The following FOCAD variants were observed in gnomAD, a reference collection of about 807,000 sequenced individuals.
The protein encoded by FOCAD is focadhesin.
FOCAD carries 198 observed loss-of-function variants against 225.6 expected under a neutral mutation model. The ratio of observed to expected loss-of-function variants is 0.88; its 90% CI spans 0.78 to 0.99. FOCAD has a LOEUF of 0.99. FOCAD is among the 50% of genes least tolerant of loss of function. The pLI is 0.00. For missense variants in FOCAD, 2,713 were observed against 2,123.6 expected (o/e 1.28, Z -5.46); for synonymous variants, 897 against 755.0 (o/e 1.19, Z -3.08).
At chr9:20,697,585 C>T (rs1823479831) in intron 1 of FOCAD, among the ~76,000 whole-genome samples, 1 of 152,260 alleles carries the variant, frequency 6.6e-6, no homozygotes, top group Non-Finnish European at 1.5e-5. Flanking sequence ...TTACTTCCTT[C>T]AGGTGTCTGT....
rs549078369 is a variant in FOCAD, at chr9:20,782,003, T to G, written c.1197+74T>G. 2.4e-5 allele frequency: 31 copies of G among 1,291,180 alleles called. No individual in the cohort carries two copies. In the East Asian group the frequency reaches 6.2e-4, roughly 26 times the overall value. 80.0% of individuals were successfully genotyped at this position (1,291,180 alleles called of 1,614,324 possible). On this transcript the variant is annotated intron_variant, in intron 10 of 43. Coordinates refer to ENST00000338382, the MANE Select transcript of FOCAD (RefSeq NM_001375567.1). ...TTCGGTCTTTACGGATAATCTTGCCTCCTGATGAAGCATCTGTTTGTTATC... is the reference window on the plus strand; with the variant it reads ...TTCGGTCTTTACGGATAATCTTGCCGCCTGATGAAGCATCTGTTTGTTATC...
At chr9:20,809,851 A>G (rs1406247445) in intron 11 of FOCAD, among the ~76,000 whole-genome samples, 1 of 152,126 alleles carries the variant, frequency 6.6e-6, no homozygotes, top group Non-Finnish European at 1.5e-5. Flanking sequence ...GTAACTCATA[A>G]GAGAGTTTTC....
intron 15 of FOCAD, among the ~76,000 whole-genome samples, chr9:20,861,436 A>C (rs1373349247): frequency 6.6e-6 from 1 of 152,178 alleles, no homozygotes; most frequent in Non-Finnish European, 1.5e-5. Context: ...GGTCTACAAT[A>C]CTGCCCTTAG....
intron 4 of FOCAD, among the ~76,000 whole-genome samples, chr9:20,724,619 T>A (rs1461888303): frequency 6.6e-6 from 1 of 152,172 alleles, no homozygotes; most frequent in Non-Finnish European, 1.5e-5. Flanking sequence ...CCAGTGGATA[T>A]AATAATTATT....
At chr9:20,694,996 A>G (rs1283922070) in intron 1 of FOCAD, among the ~76,000 whole-genome samples, 1 of 152,130 alleles carries the variant, frequency 6.6e-6, no homozygotes, top group South Asian at 2.1e-4. Flanking sequence ...ATTCTGTACA[A>G]TCCCTCCACT....
chr9:20,692,763 G>A (rs1181995975), intron 1 of FOCAD, among the ~76,000 whole-genome samples: 1 of 152,196 alleles, frequency 6.6e-6, no homozygotes, highest in African/African-American at 2.4e-5. Context: ...TTTGAGGCCG[G>A]GACTTAGAAC....
At chr9:20,771,367 G>T (rs1563970796) in intron 8 of FOCAD, among the ~76,000 whole-genome samples, 2 of 152,226 alleles carry the variant, frequency 1.3e-5, no homozygotes, top group African/African-American at 4.8e-5. Flanking sequence ...CTCGTAGGAA[G>T]ATGGAGGAGG....
In FOCAD at chr9:20,862,882, T is replaced by C. The variant is rs1046395780; in HGVS notation, c.2055+170T>C. ...GTAAGATAGCTCCTCATCAATCTTATGTCTAAAATGTATTTACATAAAGGA... is the reference window on the plus strand; with the variant it reads ...GTAAGATAGCTCCTCATCAATCTTACGTCTAAAATGTATTTACATAAAGGA... On this transcript the variant is annotated intron_variant, in intron 16 of 43. Transcript: ENST00000338382. 14 of 511,516 alleles carry C rather than the reference T, an allele frequency of 2.7e-5. No homozygotes were observed. The African/African-American group carries it at 2.8e-4, about 10-fold the overall frequency. 31.7% of individuals were successfully genotyped at this position (511,516 alleles called of 1,614,324 possible). A position where few individuals can be genotyped will look rare whatever the true frequency, so the allele number is the denominator to read the frequency against.
chr9:20,741,676 C>CTGT (rs1554668394), intron 5 of FOCAD, among the ~76,000 whole-genome samples: 8 of 87,196 alleles, frequency 9.2e-5, no homozygotes, highest in African/African-American at 1.3e-4. Flanking sequence ...GGTAAATATG[C>CTGT]TTTTTTTTTT....
At chr9:20,962,417 C>T (rs10964768) in intron 35 of FOCAD, among the ~76,000 whole-genome samples, 82 of 149,086 alleles carry the variant, frequency 5.5e-4, no homozygotes, top group Non-Finnish European at 1.0e-3. Context: ...TATACACACA[C>T]ACATACATAC....
intron 28 of FOCAD, among the ~76,000 whole-genome samples, chr9:20,938,858 C>A (rs1009520147): frequency 6.6e-6 from 1 of 151,458 alleles, no homozygotes; most frequent in African/African-American, 2.4e-5. Flanking sequence ...AGTCATTTTG[C>A]TGATTTACTT....
rs1392092393 is a variant in FOCAD, at chr9:20,906,066, AG to A, written c.2626-1083del. On this transcript the variant is annotated intron_variant, in intron 21 of 43. Transcript: ENST00000338382. Reference sequence around the variant, plus strand: ...TTCTGGGTCTCTCACTAGGTGGAAAAGTCTCTGCAGACACAGACTGATTGAT... The same window carrying A: ...TTCTGGGTCTCTCACTAGGTGGAAAATCTCTGCAGACACAGACTGATTGAT... Among the ~76,000 whole-genome samples, 4 of 151,964 alleles carry A rather than the reference AG, an allele frequency of 2.6e-5. No individual in the cohort carries two copies. The South Asian group carries it at 8.3e-4, about 31-fold the overall frequency.
Position 20,717,850 on chromosome 9 carries a change from T to A in FOCAD, c.114T>A (p.Ile38=), listed in dbSNP as rs1825461254. Residue 38 remains isoleucine, a synonymous_variant, in exon 3 of 44, where the codon ATT becomes ATA. Transcript: ENST00000338382. ...AGGAAAATGGTTTTTCAGAAAAGATTCACCAATCTACAAATCAGGTCTGTG... is the reference window on the plus strand; with the variant it reads ...AGGAAAATGGTTTTTCAGAAAAGATACACCAATCTACAAATCAGGTCTGTG... ...VLKENGFSEK[I]HQSTNQTPAL... 6.2e-7 allele frequency: 1 copy of A among 1,612,360 alleles called. No individual in the cohort carries two copies. The highest frequency in any genetic ancestry group is 1.7e-5 in the Admixed American group (1 of 59,984).
chr9:20,734,846 A>C (rs1827007352), intron 4 of FOCAD, among the ~76,000 whole-genome samples: 1 of 152,076 alleles, frequency 6.6e-6, no homozygotes, highest in African/African-American at 2.4e-5. Context: ...GGTTTTGCCC[A>C]GTATGGTCTC....
chr9:20,807,826 G>A (rs1822623269), intron 11 of FOCAD, among the ~76,000 whole-genome samples: 1 of 152,120 alleles, frequency 6.6e-6, no homozygotes, highest in African/African-American at 2.4e-5. Flanking sequence ...AAGGTGGGCG[G>A]ATCACTCGAG....
chr9:20,767,791 T>C (rs1159992040), intron 7 of FOCAD, among the ~76,000 whole-genome samples: 1 of 149,124 alleles, frequency 6.7e-6, no homozygotes, highest in Non-Finnish European at 1.5e-5. Flanking sequence ...TTCACTCTGA[T>C]GGTAGTTTCT....
rs757598522 is a variant in FOCAD, at chr9:20,720,364, A to G, written c.133-16A>G. On this transcript the variant is annotated splice_polypyrimidine_tract_variant and intron_variant, in intron 3 of 43. Coordinates refer to ENST00000338382, the MANE Select transcript of FOCAD (RefSeq NM_001375567.1). ...TGCTCATCAGAATTGTCTTCTAATC[A>G]CTGGTTTGGTTTCAGACTCCTGCTT... The G allele has an allele frequency of 1.1e-5, 17 of 1,612,868 alleles. No homozygotes were observed. The East Asian group carries it at 3.6e-4, about 34-fold the overall frequency.
chr9:20,931,902 C>CA (rs11343467), intron 27 of FOCAD, among the ~76,000 whole-genome samples: 1,680 of 120,570 alleles, frequency 0.014, 32 homozygotes, highest in African/African-American at 0.046. Context: ...GACTCTATCT[C>CA]AAAAAAAAAA....
chr9:20,740,288 C>G lies in FOCAD; in HGVS notation c.340C>G (p.Leu114Val). The change falls in exon 5 of 44, where the codon CTT becomes GTT. Residue 114 changes from leucine (L) to valine (V), a missense_variant. Coordinates refer to ENST00000338382, the MANE Select transcript of FOCAD (RefSeq NM_001375567.1). ...TATGCACTTACTACAAATGCAAGCT[C>G]TTAAGGAAGGACAAGGTGGGGAAAA... is the stretch of plus-strand genomic sequence containing the variant. ...AIMHLLQMQALKEGQGGEKNI... is the reference protein window; with the variant it reads ...AIMHLLQMQAVKEGQGGEKNI... The G allele has an allele frequency of 6.2e-7, 1 of 1,611,870 alleles. No homozygotes were observed. Among genetic ancestry groups the G allele is most frequent in the Admixed American group, 1.7e-5 (1 of 59,898 alleles).
Sources: gnomAD v4.1 joint callset for allele counts (sites outside exome capture counted in the v4.1 genomes callset) on GRCh38, gnomAD v4.1.1 for gene constraint, MANE v1.5 for transcripts, NCBI Gene and HGNC (gene_info 2026-07-23, HGNC 2026-07-21) for gene names.